Variants in NEMP1 observed in about 807,000 individuals in gnomAD.
The protein encoded by NEMP1 is nuclear envelope integral membrane protein 1.
Under a neutral mutation model 53.7 loss-of-function variants are expected in NEMP1, and 29 were observed. That is an observed-to-expected ratio of 0.54 (90% confidence interval 0.40 to 0.74). The LOEUF is 0.74. Among genes scored for constraint, NEMP1 ranks in the 30% least tolerant of loss-of-function variants. The pLI is 0.00. For synonymous variants in NEMP1, 193 were observed against 192.9 expected (o/e 1.00, Z 0.00); for missense variants, 477 against 528.6 (o/e 0.90, Z 0.96).
rs2031984938 is a variant in NEMP1 at position 57,064,658 on chromosome 12, C to T, written c.627G>A (p.Lys209=). 1 of 1,611,090 alleles carries T rather than the reference C, an allele frequency of 6.2e-7. No homozygotes were observed. Among genetic ancestry groups the T allele is most frequent in the Non-Finnish European group, 8.5e-7 (1 of 1,178,076 alleles). ...SLLIIIFILS[K]FMPKKSPIYV... is the part of the protein sequence containing the mutation. ...TTCTGATACTTACCTTAGGCATAAA[C>T]TTAGATAGTATAAAAATGATGATTA... is the stretch of plus-strand genomic sequence containing the variant. Residue 209 remains lysine (K), a synonymous_variant, in exon 5 of 9, where the codon AAG becomes AAA. Coordinates refer to ENST00000300128, the MANE Select transcript of NEMP1 (RefSeq NM_001130963.2).
At chr12:57,083,930 C>T (rs531638024) in intron 1 of NEMP1, among the ~76,000 whole-genome samples, 3 of 150,986 alleles carry the variant, frequency 2.0e-5, no homozygotes, top group South Asian at 2.1e-4. Context: ...CCCGCCACCA[C>T]GCCCAGTTAA....
chr12:57,083,116 T>C (rs565106277), upstream of NEMP1, among the ~76,000 whole-genome samples: 22 of 152,348 alleles, frequency 1.4e-4, no homozygotes, highest in African/African-American at 5.0e-4. Flanking sequence ...TATATACACA[T>C]ACTTCATTTT....
Position 57,064,652 on chromosome 12 carries a change from C to A in NEMP1, c.633G>T (p.Met211Ile). Residue 211 changes from methionine to isoleucine, a missense_variant, in exon 5 of 9, where the codon ATG becomes ATT. Physicochemically the swap from Met to Ile is conservative, Grantham distance 10. Transcript: ENST00000300128. The stretch of plus-strand genomic sequence containing the variant: ...TGAAGATTCTGATACTTACCTTAGG[C>A]ATAAACTTAGATAGTATAAAAATGA... ...LIIIFILSKF[M>I]PKKSPIYVIL... 9.3e-6 allele frequency: 15 copies of A among 1,607,702 alleles called. No homozygotes were observed. Among genetic ancestry groups the A allele is most frequent in the East Asian group, 2.2e-5 (1 of 44,680 alleles).
At chr12:57,076,592 G>A (rs2032631959) in intron 1 of NEMP1, among the ~76,000 whole-genome samples, 2 of 151,572 alleles carry the variant, frequency 1.3e-5, no homozygotes, top group South Asian at 2.1e-4. Flanking sequence ...CAGATCACGA[G>A]GTCAGGAGTT....
Position 57,063,339 on chromosome 12 carries a change from C to T in NEMP1, c.760G>A (p.Val254Ile). The stretch of plus-strand genomic sequence containing the variant: ...AAACTCATGAATCCAACTGTGAGGA[C>T]ATAACCTATGAGAAGAGTTATCAGA... Reference protein sequence around the residue: ...RCYWQYLLSYVLTVGFMSFAV... With the variant: ...RCYWQYLLSYILTVGFMSFAV... The change falls in exon 7 of 9, where the codon GTC becomes ATC. Residue 254 changes from valine (V) to isoleucine (I), a missense_variant. Val to Ile is a conservative substitution (Grantham distance 29, BLOSUM62 3). Transcript: ENST00000300128. The T allele has an allele frequency of 1.2e-6, 2 of 1,613,714 alleles. No homozygotes were observed. Among genetic ancestry groups the T allele is most frequent in the Non-Finnish European group, 1.7e-6 (2 of 1,179,582 alleles).
chr12:57,060,339 T>C (rs947573913), intron 8 of NEMP1, among the ~76,000 whole-genome samples: 3 of 152,238 alleles, frequency 2.0e-5, no homozygotes, highest in Non-Finnish European at 4.4e-5. Context: ...GTTCCTTTAG[T>C]CATCTGTAAT....
At position 57,064,726 on chromosome 12, in the gene NEMP1, A is replaced by G. The variant is rs764835201; in HGVS notation, c.559T>C (p.Tyr187His). ...CCCACAGTCATCCCAGTAGAGTAGT[A>G]GAAAATTTGACTTCTGCAGGAAAAA... ...GDLLSRSQIFYYSTGMTVGIV... is the reference protein window; with the variant it reads ...GDLLSRSQIFHYSTGMTVGIV... The change falls in exon 5 of 9, where the codon TAC (tyrosine) becomes CAC (histidine). Residue 187 changes from tyrosine to histidine, a missense_variant. Physicochemically the swap from Tyr to His is moderately conservative, Grantham distance 83 (BLOSUM62 2). Transcript: ENST00000300128. 6 of 1,612,288 alleles carry G rather than the reference A, an allele frequency of 3.7e-6. No individual in the cohort carries two copies. The East Asian group carries it at 1.1e-4, about 30-fold the overall frequency.
intron 2 of NEMP1, among the ~76,000 whole-genome samples, chr12:57,072,309 G>A (rs907030552): frequency 6.6e-6 from 1 of 152,076 alleles, no homozygotes; most frequent in Admixed American, 6.6e-5. Flanking sequence ...GTGTGGTGGC[G>A]TATGCCTGTA....
upstream of NEMP1, among the ~76,000 whole-genome samples, chr12:57,082,318 T>C (rs1464359009): frequency 6.6e-6 from 1 of 152,248 alleles, no homozygotes; most frequent in African/African-American, 2.4e-5. Flanking sequence ...TGGTGCTAAA[T>C]GTACCATACT....
At chr12:57,065,390 G>C (rs1209867775) in intron 4 of NEMP1, among the ~76,000 whole-genome samples, 1 of 152,114 alleles carries the variant, frequency 6.6e-6, no homozygotes, top group East Asian at 1.9e-4. Flanking sequence ...AGTCCTCAAT[G>C]GCATCTTCTT....
upstream of NEMP1, among the ~76,000 whole-genome samples, chr12:57,082,031 C>T (rs1358269648): frequency 6.7e-6 from 1 of 150,088 alleles, no homozygotes; most frequent in South Asian, 2.1e-4. Context: ...AGCCTGGCCA[C>T]CATAGTGAAA....
chr12:57,069,653 C>T (rs1451421010), intron 3 of NEMP1, among the ~76,000 whole-genome samples: 2 of 151,936 alleles, frequency 1.3e-5, no homozygotes, highest in Non-Finnish European at 2.9e-5. Flanking sequence ...AGCTTTAAGT[C>T]ACTCACAGTC....
In NEMP1 at chr12:57,067,136, T is replaced by C. The variant is rs1241356675; in HGVS notation, c.545+2098A>G. On this transcript the variant is annotated intron_variant, in intron 4 of 8. Coordinates refer to ENST00000300128, the MANE Select transcript of NEMP1 (RefSeq NM_001130963.2). ...GTCAGGAGATCGAGACCATCCTGGC[T>C]AACACGGTGAAACCCGTCTCTACTA... Among the ~76,000 whole-genome samples, 4 of 151,958 alleles carry C rather than the reference T, an allele frequency of 2.6e-5. No homozygotes were observed. In the East Asian group the frequency reaches 5.8e-4, roughly 22 times the overall value.
At chr12:57,075,301 T>C (rs2032552004) in intron 1 of NEMP1, among the ~76,000 whole-genome samples, 1 of 148,576 alleles carries the variant, frequency 6.7e-6, no homozygotes, top group South Asian at 2.1e-4. Context: ...GGCAGGAGAA[T>C]GGCATGAACC....
intron 1 of NEMP1, among the ~76,000 whole-genome samples, chr12:57,087,440 C>A (rs1435120472): frequency 6.7e-6 from 1 of 150,222 alleles, no homozygotes; most frequent in Admixed American, 6.6e-5. Context: ...TCCAAAATAA[C>A]CTGAGGTGGG....
chr12:57,083,489 G>A (rs1353841280), upstream of NEMP1, among the ~76,000 whole-genome samples: 1 of 152,228 alleles, frequency 6.6e-6, no homozygotes. Flanking sequence ...TGAGTAAATG[G>A]GGTGGGAAAT....
chr12:57,079,482 C>G (rs1015959351), upstream of NEMP1, among the ~76,000 whole-genome samples: 2 of 152,188 alleles, frequency 1.3e-5, no homozygotes, highest in African/African-American at 2.4e-5. Flanking sequence ...GCCACAGGAA[C>G]CTGCCCAAGA....
At chr12:57,077,393 G>C (rs1204304511) in intron 1 of NEMP1, among the ~76,000 whole-genome samples, 1 of 151,640 alleles carries the variant, frequency 6.6e-6, no homozygotes. Context: ...AGCTACTCAG[G>C]AGGCTGAGGC....
intron 4 of NEMP1, 142 bp from the exon 5 acceptor site, chr12:57,064,881 G>A: frequency 1.7e-6 from 1 of 578,052 alleles, no homozygotes. Flanking sequence ...TTTCAAATTT[G>A]GTTCCAGACC....
Sources: allele counts gnomAD v4.1 joint callset (sites outside exome capture counted in the v4.1 genomes callset), GRCh38; gene constraint gnomAD v4.1.1; transcripts MANE v1.5; gene names NCBI Gene and HGNC (gene_info 2026-07-23, HGNC 2026-07-21).